The following C17orf113 variants were observed in gnomAD, a reference collection of about 807,000 sequenced individuals.
The protein encoded by C17orf113 is chromosome 17 open reading frame 113.
Under a neutral mutation model 11.6 loss-of-function variants are expected in C17orf113, and 5 were observed. That is an observed-to-expected ratio of 0.43 (90% CI 0.23 to 0.91). The LOEUF is 0.91. Ranked by LOEUF, C17orf113 falls within the 40% of genes least tolerant of loss-of-function variation. The probability of loss-of-function intolerance (pLI) is 0.26; values close to 1 mark genes in which losing one functional copy is unlikely to be tolerated. For synonymous variants in C17orf113, 327 were observed against 390.6 expected (o/e 0.84, Z 1.92); for missense variants, 714 against 841.3 (o/e 0.85, Z 1.87).
In C17orf113 at chr17:42,041,073, C is replaced by A; in HGVS notation, c.660G>T (p.Leu220=). The A allele has an allele frequency of 8.1e-7, 1 of 1,232,310 alleles. No homozygotes were observed. Among genetic ancestry groups the A allele is most frequent in the Middle Eastern group, 3.1e-4 (1 of 3,210 alleles). 76.3% of individuals were successfully genotyped at this position (1,232,310 alleles called of 1,614,324 possible). Residue 220 remains leucine (L), a synonymous_variant, in exon 3 of 3, where the codon CTG becomes CTT. Transcript: ENST00000587304. ...CACAGGGGGACACTGAAGTGGCAAA[C>A]AGGGCCAGGCTGTGTGACTCCGGCC... ...RDWPESHSLA[L]FATSVSPCDG...
At chr17:42,049,479 G>C (rs1315701775) in intron 1 of C17orf113, among the ~76,000 whole-genome samples, 1 of 152,222 alleles carries the variant, frequency 6.6e-6, no homozygotes, top group Non-Finnish European at 1.5e-5. Flanking sequence ...ACACAGTTGG[G>C]CAGTGAATAA....
Position 42,040,208 on chromosome 17 carries a change from G to T in C17orf113, c.1525C>A (p.Pro509Thr), listed in dbSNP as rs2052981231. 1 of 1,231,618 alleles carries T rather than the reference G, an allele frequency of 8.1e-7. No homozygotes were observed. Among genetic ancestry groups the T allele is most frequent in the Non-Finnish European group, 1.0e-6 (1 of 987,854 alleles). The allele number at this position is 1,231,618 out of a possible 1,614,324, so 76.3% of individuals were successfully genotyped here. Reference protein sequence around the residue: ...RKGLQDSYPGPSLDAVAAFAA... With the variant: ...RKGLQDSYPGTSLDAVAAFAA... ...AAGGCGGCCACGGCGTCCAGCGAAGGCCCGGGGTAGGAGTCCTGTAGGCCC... is the reference window on the plus strand; with the variant it reads ...AAGGCGGCCACGGCGTCCAGCGAAGTCCCGGGGTAGGAGTCCTGTAGGCCC... The change falls in exon 3 of 3, where the codon CCT becomes ACT. Residue 509 changes from proline to threonine, a missense_variant. Coordinates refer to ENST00000587304, the MANE Select transcript of C17orf113 (RefSeq NM_001358661.2).
At chr17:42,047,760 T>C (rs912937490) in intron 1 of C17orf113, among the ~76,000 whole-genome samples, 2 of 150,682 alleles carry the variant, frequency 1.3e-5, no homozygotes, top group African/African-American at 4.9e-5. Flanking sequence ...TTCAAGCGAT[T>C]CTCCTGCCTC....
chr17:42,040,275 GC>G lies in C17orf113; in HGVS notation c.1457del (p.Gly486AlafsTer82), dbSNP rs371365899. ...LLGYSEAAVR[G>X]LEWLRGSFLD... ...GGAAGGATCCCCGGAGCCACTCCAA[GC>G]CCCGGACCGCAGCCTCGGAGTAACC... On this transcript the variant is annotated frameshift_variant, in exon 3 of 3. Coordinates refer to ENST00000587304, the MANE Select transcript of C17orf113 (RefSeq NM_001358661.2). LOFTEE classifies it low-confidence loss of function (END_TRUNC). 128 of 1,231,660 alleles carry G rather than the reference GC, an allele frequency of 1.0e-4. No homozygotes were observed. The South Asian group carries it at 4.6e-3, about 45-fold the overall frequency. 76.3% of individuals were successfully genotyped at this position (1,231,660 alleles called of 1,614,324 possible). A position where few individuals can be genotyped will look rare whatever the true frequency, so the allele number is the denominator to read the frequency against.
chr17:42,049,729 T>C (rs1555656943), intron 1 of C17orf113, among the ~76,000 whole-genome samples: 2 of 152,244 alleles, frequency 1.3e-5, no homozygotes, highest in African/African-American at 4.8e-5. Context: ...ATCCTGCCCA[T>C]TCTGCAGAAC....
At position 42,039,522 on chromosome 17, in the gene C17orf113, T is replaced by G; in HGVS notation, c.*183A>C. 1 of 347,022 alleles carries G rather than the reference T, an allele frequency of 2.9e-6. No individual in the cohort carries two copies. Among genetic ancestry groups the G allele is most frequent in the Non-Finnish European group, 4.6e-6 (1 of 218,412 alleles). 21.5% of individuals were successfully genotyped at this position (347,022 alleles called of 1,614,324 possible). A position where few individuals can be genotyped will look rare whatever the true frequency, so the allele number is the denominator to read the frequency against. ...CCCAGGCCCCTCTTGAGCCAGTCCC[T>G]TCCTCCACAGCCCACAGGGTGGGGG... On this transcript the variant is annotated 3_prime_UTR_variant, in exon 3 of 3. Coordinates refer to ENST00000587304, the MANE Select transcript of C17orf113 (RefSeq NM_001358661.2).
At chr17:42,048,424 A>C (rs1310068446) in intron 1 of C17orf113, among the ~76,000 whole-genome samples, 1 of 151,852 alleles carries the variant, frequency 6.6e-6, no homozygotes, top group African/African-American at 2.4e-5. Context: ...ATATGCCTAT[A>C]GTCCCAGCTA....
chr17:42,039,646 G>A lies in C17orf113; in HGVS notation c.*59C>T, dbSNP rs2052956806. The A allele has an allele frequency of 8.2e-7, 1 of 1,214,032 alleles. No homozygotes were observed. Among genetic ancestry groups the A allele is most frequent in the Admixed American group, 4.2e-5 (1 of 23,696 alleles). The allele number at this position is 1,214,032 out of a possible 1,614,324, so 75.2% of individuals were successfully genotyped here. On this transcript the variant is annotated 3_prime_UTR_variant, in exon 3 of 3. Transcript: ENST00000587304. Reference sequence around the variant, plus strand: ...TTGGGTGCAGCATGGTCAAGTCTAGGTTGGCCCTTACAGTGCCCAGGGCCC... The same window carrying A: ...TTGGGTGCAGCATGGTCAAGTCTAGATTGGCCCTTACAGTGCCCAGGGCCC...
chr17:42,039,516 A>C lies in C17orf113; in HGVS notation c.*189T>G, dbSNP rs2052951718. The C allele has an allele frequency of 1.0e-4, 38 of 365,144 alleles. No individual in the cohort carries two copies. Among genetic ancestry groups the C allele is most frequent in the Middle Eastern group, 7.2e-4 (1 of 1,398 alleles). The allele number at this position is 365,144 out of a possible 1,614,324, so 22.6% of individuals were successfully genotyped here. ...CACCCGCCCAGGCCCCTCTTGAGCCAGTCCCTTCCTCCACAGCCCACAGGG... is the reference window on the plus strand; with the variant it reads ...CACCCGCCCAGGCCCCTCTTGAGCCCGTCCCTTCCTCCACAGCCCACAGGG... On this transcript the variant is annotated 3_prime_UTR_variant, in exon 3 of 3. Coordinates refer to ENST00000587304, the MANE Select transcript of C17orf113 (RefSeq NM_001358661.2).
At chr17:42,049,088 G>C (rs1158954599) in intron 1 of C17orf113, among the ~76,000 whole-genome samples, 2 of 152,058 alleles carry the variant, frequency 1.3e-5, no homozygotes, top group Non-Finnish European at 2.9e-5. Flanking sequence ...TTCCTTCCTA[G>C]TAACACCACC....
At position 42,040,019 on chromosome 17, in the gene C17orf113, C is replaced by A; in HGVS notation, c.1714G>T (p.Gly572Trp). ...CACAGGGCCCGCGGGCCGAGCCGCCCAAGGCCGAATACTACGCGCTTAAAC... is the reference window on the plus strand; with the variant it reads ...CACAGGGCCCGCGGGCCGAGCCGCCAAAGGCCGAATACTACGCGCTTAAAC... ...ALFKRVVFGLGRLGPRALCTQ... is the reference protein window; with the variant it reads ...ALFKRVVFGLWRLGPRALCTQ... Residue 572 changes from glycine to tryptophan, a missense_variant, in exon 3 of 3, where the codon GGG becomes TGG. Gly to Trp is a radical substitution (Grantham distance 184, BLOSUM62 -2). Transcript: ENST00000587304. 1.6e-6 allele frequency: 2 copies of A among 1,231,072 alleles called. No individual in the cohort carries two copies. Among genetic ancestry groups the A allele is most frequent in the Non-Finnish European group, 2.0e-6 (2 of 987,490 alleles). 76.3% of individuals were successfully genotyped at this position (1,231,072 alleles called of 1,614,324 possible).
chr17:42,039,544 GGGGGGGTTGGTGGGAA>G lies in C17orf113; in HGVS notation c.*145_*160del. The G allele has an allele frequency of 2.3e-6, 1 of 437,252 alleles. No individual in the cohort carries two copies. Among genetic ancestry groups the G allele is most frequent in the Non-Finnish European group, 3.1e-6 (1 of 321,552 alleles). The allele number at this position is 437,252 out of a possible 1,614,324, so 27.1% of individuals were successfully genotyped here. On this transcript the variant is annotated 3_prime_UTR_variant, in exon 3 of 3. Coordinates refer to ENST00000587304, the MANE Select transcript of C17orf113 (RefSeq NM_001358661.2). Reference sequence around the variant, plus strand: ...CCCTTCCTCCACAGCCCACAGGGTGGGGGGGGTTGGTGGGAAGCTCCAGAAGGGCGGGTGGATGGCC... The same window carrying G: ...CCCTTCCTCCACAGCCCACAGGGTGGGCTCCAGAAGGGCGGGTGGATGGCC...
At chr17:42,043,604 C>T in intron 1 of C17orf113, 41 bp from the exon 2 acceptor site, 1 of 375,018 alleles carries the variant, frequency 2.7e-6, no homozygotes, top group Non-Finnish European at 4.7e-6. Context: ...AGGGGTCTGT[C>T]ATGGTAGGGG....
At chr17:42,041,390 C>A (rs1469523919) in intron 2 of C17orf113, among the ~76,000 whole-genome samples, 1 of 152,224 alleles carries the variant, frequency 6.6e-6, no homozygotes, top group Admixed American at 6.5e-5. Flanking sequence ...TTTCTCATCT[C>A]TACAGCTCCT....
chr17:42,046,620 A>T (rs1555656644), intron 1 of C17orf113, among the ~76,000 whole-genome samples: 1 of 151,854 alleles, frequency 6.6e-6, no homozygotes, highest in African/African-American at 2.4e-5. Context: ...AATAGATAAA[A>T]TTTTAAACTA....
Position 42,040,334 on chromosome 17 carries a change from C to T in C17orf113, c.1399G>A (p.Gly467Arg), listed in dbSNP as rs1393246623. Reference protein sequence around the residue: ...LASMDPDASSGRCTYRGVELL... With the variant: ...LASMDPDASSRRCTYRGVELL... ...TCCACGCCGCGGTAGGTGCAGCGTC[C>T]GCTGCTGGCGTCAGGGTCCATGGAT... The change falls in exon 3 of 3, where the codon GGA (glycine) becomes AGA (arginine). Residue 467 changes from glycine (G) to arginine (R), a missense_variant. Gly to Arg is a moderately radical substitution (Grantham distance 125, BLOSUM62 -2). Transcript: ENST00000587304. The T allele has an allele frequency of 5.7e-6, 7 of 1,231,716 alleles. No homozygotes were observed. The highest frequency in any genetic ancestry group is 4.1e-5 in the South Asian group (1 of 24,328). The allele number at this position is 1,231,716 out of a possible 1,614,324, so 76.3% of individuals were successfully genotyped here. A position where few individuals can be genotyped will look rare whatever the true frequency, so the allele number is the denominator to read the frequency against.
chr17:42,044,049 C>T lies in C17orf113; in HGVS notation c.-187-486G>A, dbSNP rs115317189. On this transcript the variant is annotated intron_variant, in intron 1 of 2. Coordinates refer to ENST00000587304, the MANE Select transcript of C17orf113 (RefSeq NM_001358661.2). Reference sequence around the variant, plus strand: ...AAGGAAATCAGGCCAGGCATGGTGGCTCACTCCTATAATCCCAGCACTTTG... The same window carrying T: ...AAGGAAATCAGGCCAGGCATGGTGGTTCACTCCTATAATCCCAGCACTTTG... 2.9e-3 allele frequency among the ~76,000 whole-genome samples: 431 copies of T among 150,542 alleles called. 2 individuals are homozygous for T. Among genetic ancestry groups the T allele is most frequent in the African/African-American group, 0.01 (414 of 40,956 alleles).
At chr17:42,041,251 G>A (rs2053013234) in intron 2 of C17orf113, 62 bp from the exon 3 acceptor site, 16 of 1,220,174 alleles carry the variant, frequency 1.3e-5, no homozygotes, top group African/African-American at 1.6e-5. Context: ...GAGAGGCGGA[G>A]GCAGGCAGTG....
chr17:42,038,466 C>T lies in C17orf113; in HGVS notation c.*1239G>A. ...CCCAGGAGGTAAATAAGCCAACATT[C>T]CTGGGTTGGGCCTCGACGCCAGTCC... On this transcript the variant is annotated 3_prime_UTR_variant, in exon 3 of 3. Transcript: ENST00000587304. 1 of 177,148 alleles carries T rather than the reference C, an allele frequency of 5.6e-6. No individual in the cohort carries two copies. The highest frequency in any genetic ancestry group is 1.2e-5 in the Non-Finnish European group (1 of 85,834). The allele number at this position is 177,148 out of a possible 1,614,324, so 11.0% of individuals were successfully genotyped here. A position where few individuals can be genotyped will look rare whatever the true frequency, so the allele number is the denominator to read the frequency against.
Sources: allele counts gnomAD v4.1 joint callset (sites outside exome capture counted in the v4.1 genomes callset), GRCh38; gene constraint gnomAD v4.1.1; transcripts MANE v1.5; gene names NCBI Gene and HGNC (gene_info 2026-07-23, HGNC 2026-07-21).